The following RSPO2 variants were observed in gnomAD, a reference collection of about 807,000 sequenced individuals.
The protein encoded by RSPO2 is R-spondin-2.
Under a neutral mutation model 30.9 loss-of-function variants are expected in RSPO2, and 14 were observed. The ratio of observed to expected loss-of-function variants is 0.45; its 90% confidence interval spans 0.30 to 0.71. The LOEUF (loss-of-function observed/expected upper bound fraction) is 0.71. Ranked by LOEUF, RSPO2 falls within the 30% of genes least tolerant of loss-of-function variation. The pLI is 0.08. For missense variants in RSPO2, 264 were observed against 301.9 expected (o/e 0.87, Z 0.93); for synonymous variants, 107 against 96.4 (o/e 1.11, Z -0.64).
At chr8:108,067,615 C>G (rs1373214097) in intron 2 of RSPO2, among the ~76,000 whole-genome samples, 2 of 152,174 alleles carry the variant, frequency 1.3e-5, no homozygotes, top group Admixed American at 1.3e-4. Flanking sequence ...ATATGCAACA[C>G]ACAAGCATGA....
intron 5 of RSPO2, among the ~76,000 whole-genome samples, chr8:107,955,664 G>A (rs1220657023): frequency 6.6e-6 from 1 of 151,882 alleles, no homozygotes; most frequent in Non-Finnish European, 1.5e-5. Flanking sequence ...AGCCATTTAT[G>A]TTTTCATATT....
intron 2 of RSPO2, among the ~76,000 whole-genome samples, chr8:108,059,214 GA>G (rs1323709337): frequency 1.3e-5 from 2 of 151,610 alleles, no homozygotes; most frequent in East Asian, 3.9e-4. Context: ...CTTCTCAAAA[GA>G]AGACATTTAT....
At chr8:108,030,119 GAAAAA>G (rs11434221) in intron 2 of RSPO2, among the ~76,000 whole-genome samples, 30 of 70,992 alleles carry the variant, frequency 4.2e-4, no homozygotes, top group Middle Eastern at 0.018. Flanking sequence ...GGATAGATAG[GAAAAA>G]AAAAAAAAAA....
At chr8:108,057,019 T>TG (rs1053301677) in intron 2 of RSPO2, among the ~76,000 whole-genome samples, 10 of 112,348 alleles carry the variant, frequency 8.9e-5, no homozygotes, top group African/African-American at 3.1e-4. Context: ...ATCACACCAC[T>TG]GCACTCCAGC....
At chr8:107,907,378 A>G (rs927068975) in intron 5 of RSPO2, among the ~76,000 whole-genome samples, 1 of 152,084 alleles carries the variant, frequency 6.6e-6, no homozygotes, top group African/African-American at 2.4e-5. Context: ...TAATCCTTCA[A>G]TAATGGTTTG....
chr8:107,975,151 C>T (rs1814164609), intron 3 of RSPO2, among the ~76,000 whole-genome samples: 1 of 152,184 alleles, frequency 6.6e-6, no homozygotes, highest in Non-Finnish European at 1.5e-5. Flanking sequence ...TTCCACTGTA[C>T]CACCACCTTC....
intron 2 of RSPO2, among the ~76,000 whole-genome samples, chr8:107,999,836 A>G (rs1161127288): frequency 6.6e-6 from 1 of 152,002 alleles, no homozygotes; most frequent in East Asian, 1.9e-4. Flanking sequence ...AATGAAGAAA[A>G]TTACCAGAAC....
chr8:108,054,138 C>CT (rs1812162604), intron 2 of RSPO2, among the ~76,000 whole-genome samples: 1 of 152,268 alleles, frequency 6.6e-6, no homozygotes, highest in East Asian at 1.9e-4. Context: ...GGCTCTCACC[C>CT]TTTTGGATCT....
intron 5 of RSPO2, among the ~76,000 whole-genome samples, chr8:107,952,310 CACACACAT>C (rs754772620): frequency 6.8e-5 from 9 of 131,470 alleles, no homozygotes; most frequent in East Asian, 2.4e-4. Flanking sequence ...CACACACACA[CACACACAT>C]ATTATGATTA....
intron 3 of RSPO2, among the ~76,000 whole-genome samples, chr8:107,987,220 C>T (rs1284741676): frequency 1.3e-5 from 2 of 151,460 alleles, no homozygotes; most frequent in East Asian, 1.9e-4. Context: ...ATTTATTACC[C>T]ACAAAAAAAA....
chr8:107,908,881 A>AG (rs1811735183), intron 5 of RSPO2, among the ~76,000 whole-genome samples: 1 of 152,198 alleles, frequency 6.6e-6, no homozygotes, highest in South Asian at 2.1e-4. Context: ...ACTACCTGCA[A>AG]ATAACAGGTT....
chr8:108,075,813 C>T (rs1403101036), intron 2 of RSPO2, among the ~76,000 whole-genome samples: 3 of 151,714 alleles, frequency 2.0e-5, no homozygotes, highest in African/African-American at 4.8e-5. Flanking sequence ...CATTAAGTCA[C>T]CAAAATAATT....
At chr8:108,020,745 A>G (rs1164979426) in intron 2 of RSPO2, among the ~76,000 whole-genome samples, 3 of 152,190 alleles carry the variant, frequency 2.0e-5, no homozygotes, top group Non-Finnish European at 4.4e-5. Context: ...GGAACATGCA[A>G]TCTCCTCCAG....
chr8:107,957,372 C>G (rs999788017), intron 5 of RSPO2, among the ~76,000 whole-genome samples: 1 of 152,174 alleles, frequency 6.6e-6, no homozygotes, highest in Non-Finnish European at 1.5e-5. Flanking sequence ...AGCACAGTGA[C>G]AGGGCTCAGA....
At chr8:108,075,678 GTT>G (rs35335035) in intron 2 of RSPO2, among the ~76,000 whole-genome samples, 14 of 146,808 alleles carry the variant, frequency 9.5e-5, no homozygotes, top group South Asian at 2.2e-4. Context: ...TTTTATACCT[GTT>G]TTTTTTTTTA....
intron 2 of RSPO2, among the ~76,000 whole-genome samples, chr8:108,008,445 G>A (rs1422157291): frequency 6.6e-6 from 1 of 152,018 alleles, no homozygotes; most frequent in Admixed American, 6.6e-5. Context: ...GCTCCACAAA[G>A]GGCAGAAGAC....
intron 2 of RSPO2, among the ~76,000 whole-genome samples, chr8:108,030,119 GAAAA>G (rs11434221): frequency 2.5e-4 from 18 of 70,994 alleles, no homozygotes; most frequent in African/African-American, 8.5e-4. Flanking sequence ...GGATAGATAG[GAAAA>G]AAAAAAAAAA....
intron 2 of RSPO2, among the ~76,000 whole-genome samples, chr8:108,024,356 A>G (rs1321356135): frequency 1.3e-5 from 2 of 152,152 alleles, no homozygotes; most frequent in African/African-American, 4.8e-5. Flanking sequence ...AGTATAGTAC[A>G]CTGCAACCAA....
intron 3 of RSPO2, among the ~76,000 whole-genome samples, chr8:107,980,707 C>T (rs989065272): frequency 2.6e-5 from 4 of 152,126 alleles, no homozygotes; most frequent in South Asian, 2.1e-4. Flanking sequence ...ACCTAGAATG[C>T]CCCTAACTCT....
Sources: gnomAD v4.1 joint callset for allele counts (sites outside exome capture counted in the v4.1 genomes callset) on GRCh38, gnomAD v4.1.1 for gene constraint, MANE v1.5 for transcripts, NCBI Gene and HGNC (gene_info 2026-07-23, HGNC 2026-07-21) for gene names.